Variants in SNX25 observed in about 807,000 individuals in gnomAD.
SNX25 encodes sorting nexin-25.
Under a neutral mutation model 113.7 loss-of-function variants are expected in SNX25, and 62 were observed. The ratio of observed to expected loss-of-function variants is 0.55; its 90% CI spans 0.44 to 0.67. The LOEUF (loss-of-function observed/expected upper bound fraction) is 0.67. Ranked by LOEUF, SNX25 falls within the 30% of genes least tolerant of loss-of-function variation. The pLI, the probability that SNX25 is intolerant of heterozygous loss-of-function variation, is 0.00. For synonymous variants in SNX25, 421 were observed against 436.2 expected, an observed-to-expected ratio of 0.97 and a Z score of 0.43; for missense variants, 1,014 against 1,161.0, an observed-to-expected ratio of 0.87 and a Z score of 1.84.
intron 4 of SNX25, among the ~76,000 whole-genome samples, chr4:185,265,599 C>A (rs564957311): frequency 5.3e-5 from 8 of 152,162 alleles, no homozygotes; most frequent in South Asian, 2.1e-4. Flanking sequence ...AAACAGTGTA[C>A]GCTTAGGCTA....
chr4:185,208,401 G>A (rs1223584684), upstream of SNX25, among the ~76,000 whole-genome samples: 4 of 152,090 alleles, frequency 2.6e-5, no homozygotes, highest in Non-Finnish European at 5.9e-5. Context: ...TCTAGCATGA[G>A]GCACTCTTCA....
intron 1 of SNX25, among the ~76,000 whole-genome samples, chr4:185,239,299 C>G (rs111483173): frequency 6.6e-6 from 1 of 151,458 alleles, no homozygotes; most frequent in Non-Finnish European, 1.5e-5. Flanking sequence ...CTGGCCAACA[C>G]GGTGAAACTC....
chr4:185,239,957 T>G (rs1390774321), intron 1 of SNX25, among the ~76,000 whole-genome samples: 1 of 149,988 alleles, frequency 6.7e-6, no homozygotes, highest in Admixed American at 6.7e-5. Flanking sequence ...GATTAGGGAG[T>G]GGTGATGACT....
intron 12 of SNX25, among the ~76,000 whole-genome samples, chr4:185,345,401 A>G (rs1579871048): frequency 6.6e-6 from 1 of 152,314 alleles, no homozygotes; most frequent in African/African-American, 2.4e-5. Context: ...CTTCTAGCAC[A>G]GTGTCTGGTA....
At chr4:185,218,781 A>G (rs1276909508) in intron 1 of SNX25, among the ~76,000 whole-genome samples, 1 of 152,226 alleles carries the variant, frequency 6.6e-6, no homozygotes, top group Non-Finnish European at 1.5e-5. Flanking sequence ...TACCTCTTGG[A>G]AAATTAGATA....
At chr4:185,351,272 A>G (rs190278260) in intron 13 of SNX25, among the ~76,000 whole-genome samples, 173 bp from the exon 14 acceptor site, 24 of 152,364 alleles carry the variant, frequency 1.6e-4, no homozygotes, top group Middle Eastern at 3.4e-3. Flanking sequence ...CATTAAGATC[A>G]TTAAGAATTG....
chr4:185,303,548 A>G (rs1174295855), intron 6 of SNX25, among the ~76,000 whole-genome samples: 1 of 151,468 alleles, frequency 6.6e-6, no homozygotes, highest in Non-Finnish European at 1.5e-5. Flanking sequence ...AGTCCCAGCT[A>G]CTTGGAAGGC....
chr4:185,368,701 C>T (rs1427841786), downstream of SNX25, among the ~76,000 whole-genome samples: 1 of 152,184 alleles, frequency 6.6e-6, no homozygotes, highest in East Asian at 1.9e-4. Flanking sequence ...AGATGTGTAT[C>T]CTAGAGTCCT....
chr4:185,286,176 C>T (rs893569793), intron 5 of SNX25, among the ~76,000 whole-genome samples: 7 of 151,964 alleles, frequency 4.6e-5, no homozygotes, highest in South Asian at 4.2e-4. Context: ...AGGGCAGTGG[C>T]GCAATCATAG....
chr4:185,377,901 G>T, the SNX25 span: 1 of 558,130 alleles, frequency 1.8e-6, no homozygotes, highest in Non-Finnish European at 3.1e-6. Flanking sequence ...CCTCACTGAC[G>T]ATTTGCTACC....
intron 5 of SNX25, among the ~76,000 whole-genome samples, chr4:185,281,964 C>T (rs1015697407): frequency 9.2e-5 from 14 of 151,756 alleles, no homozygotes; most frequent in African/African-American, 2.9e-4. Flanking sequence ...TGCAGTGAGT[C>T]GAGATTGCAC....
rs528383809 is a variant in SNX25 at position 185,347,458 on chromosome 4, C to CTTTTGTTTTG, written c.2301+829_2301+838dup. ...GGGGTTTGGTGTTTTTTTTTGTTTT[C>CTTTTGTTTTG]TTTTGTTTTGTTTTGTTTTGTTTTG... On this transcript the variant is annotated intron_variant, in intron 13 of 18. Coordinates refer to ENST00000652585, the MANE Select transcript of SNX25 (RefSeq NM_001378034.2). 2.4e-3 allele frequency among the ~76,000 whole-genome samples: 367 copies of CTTTTGTTTTG among 150,920 alleles called. 2 individuals carry two copies. Among genetic ancestry groups the CTTTTGTTTTG allele is most frequent in the African/African-American group, 7.7e-3 (318 of 41,064 alleles).
chr4:185,261,223 GC>G (rs1246302265), intron 3 of SNX25, among the ~76,000 whole-genome samples: 1 of 151,306 alleles, frequency 6.6e-6, no homozygotes, highest in Non-Finnish European at 1.5e-5. Flanking sequence ...CTTTACCCAG[GC>G]TGGAGTGCAG....
chr4:185,210,167 T>C lies in SNX25; in HGVS notation c.341T>C (p.Val114Ala). 2 of 984,308 alleles carry C rather than the reference T, an allele frequency of 2.0e-6. No homozygotes were observed. Among genetic ancestry groups the C allele is most frequent in the Non-Finnish European group, 2.4e-6 (2 of 829,786 alleles). The allele number at this position is 984,308 out of a possible 1,614,324, so 61.0% of individuals were successfully genotyped here. Reference sequence around the variant, plus strand: ...CTGCTGGGGATCCTGTTTGCCCTCGTCTGCCGGAGCCCGCGCGCCCAGCCG... The same window carrying C: ...CTGCTGGGGATCCTGTTTGCCCTCGCCTGCCGGAGCCCGCGCGCCCAGCCG... The part of the protein sequence containing the change: ...AFLLGILFAL[V>A]CRSPRAQPPD... Residue 114 changes from valine (V) to alanine (A), a missense_variant, in exon 1 of 19, where the codon GTC becomes GCC. By Grantham distance (64) the Val-to-Ala change is moderately conservative. Coordinates refer to ENST00000652585, the MANE Select transcript of SNX25 (RefSeq NM_001378034.2). The surrounding 1 kb of genome is among the most constrained non-coding windows in gnomAD (Gnocchi z 4.4).
chr4:185,361,631 G>A (rs1233509232), intron 16 of SNX25, among the ~76,000 whole-genome samples: 2 of 152,036 alleles, frequency 1.3e-5, no homozygotes, highest in Non-Finnish European at 1.5e-5. Context: ...CCAGCTGCTC[G>A]GGAAGCTGAG....
At chr4:185,291,745 GTC>G (rs1268323725) in intron 6 of SNX25, among the ~76,000 whole-genome samples, 1 of 152,130 alleles carries the variant, frequency 6.6e-6, no homozygotes, top group Non-Finnish European at 1.5e-5. Context: ...CTGGTTTTGC[GTC>G]TCTGTTTTCT....
rs540940073 is a variant in SNX25, at chr4:185,247,193, C to T, written c.430-101C>T. On this transcript the variant is annotated intron_variant, in intron 1 of 18. Transcript: ENST00000652585. ...ACTTCTGTTATTCGTTAAGCCTTATCTTAATGCTTGTTTAGATGGCATTTC... is the reference window on the plus strand; with the variant it reads ...ACTTCTGTTATTCGTTAAGCCTTATTTTAATGCTTGTTTAGATGGCATTTC... The T allele has an allele frequency of 4.7e-5, 36 of 771,902 alleles. No homozygotes were observed. The African/African-American group carries it at 5.8e-4, about 12-fold the overall frequency. 47.8% of individuals were successfully genotyped at this position (771,902 alleles called of 1,614,324 possible).
intron 1 of SNX25, among the ~76,000 whole-genome samples, chr4:185,218,531 G>A (rs2126328289): frequency 6.6e-6 from 1 of 152,356 alleles, no homozygotes; most frequent in East Asian, 1.9e-4. Context: ...CCTGCAGCTA[G>A]CCAGCACTCA....
upstream of SNX25, among the ~76,000 whole-genome samples, chr4:185,206,095 G>A (rs1387012079): frequency 4.6e-5 from 7 of 152,194 alleles, no homozygotes; most frequent in Non-Finnish European, 8.8e-5. Context: ...GTGGAAAATA[G>A]TATGGCATGT....
Sources: gnomAD v4.1 joint callset for allele counts (sites outside exome capture counted in the v4.1 genomes callset) on GRCh38, gnomAD v4.1.1 for gene constraint, Gnocchi (gnomAD v3.1) non-coding constraint, MANE v1.5 for transcripts, NCBI Gene and HGNC (gene_info 2026-07-23, HGNC 2026-07-21) for gene names.